The following CORO7 variants were observed in gnomAD, a reference collection of about 807,000 sequenced individuals.
The protein encoded by CORO7 is coronin 7.
Under a neutral mutation model 126.6 loss-of-function variants are expected in CORO7, and 107 were observed. That is an observed-to-expected ratio of 0.85 (90% CI 0.72 to 0.99). The LOEUF is 0.99. Ranked by LOEUF, CORO7 falls within the 50% of genes least tolerant of loss-of-function variation. The pLI is 0.00. For synonymous variants in CORO7, 603 were observed against 536.8 expected, an observed-to-expected ratio of 1.12 and a Z score of -1.70; for missense variants, 1,314 against 1,255.8, an observed-to-expected ratio of 1.05 and a Z score of -0.70.
Position 4,405,509 on chromosome 16 carries a change from C to T in CORO7, c.546G>A (p.Leu182=), listed in dbSNP as rs1289844674. 6.2e-7 allele frequency: 1 copy of T among 1,612,848 alleles called. No individual in the cohort carries two copies. The highest frequency in any genetic ancestry group is 8.5e-7 in the Non-Finnish European group (1 of 1,179,926). The change falls in exon 6 of 28, where the codon CTG becomes CTA. Residue 182 remains leucine (L), a synonymous_variant. Coordinates refer to ENST00000251166, the MANE Select transcript of CORO7 (RefSeq NM_024535.5). Reference sequence around the variant, plus strand: ...TGCTCACCTTGCACGCCGTGCCCACCAGGGCTCCATCTCGGCTCCAGACGG... The same window carrying T: ...TGCTCACCTTGCACGCCGTGCCCACTAGGGCTCCATCTCGGCTCCAGACGG... ...QSAVWSRDGA[L]VGTACKDKQL...
At chr16:4,369,297 G>C (rs1014621711) in intron 9 of CORO7, among the ~76,000 whole-genome samples, 1 of 152,290 alleles carries the variant, frequency 6.6e-6, no homozygotes, top group African/African-American at 2.4e-5. Flanking sequence ...GTGTTGGCAT[G>C]GGCCTGACCC....
chr16:4,407,820 GC>G, intron 4 of CORO7, 136 bp from the exon 5 acceptor site: 1 of 1,118,070 alleles, frequency 8.9e-7, no homozygotes, highest in Non-Finnish European at 1.2e-6. Flanking sequence ...TGGGAGGAGC[GC>G]CCACCCGCCT....
chr16:4,403,929 G>A (rs1424231435), intron 6 of CORO7, among the ~76,000 whole-genome samples: 1 of 152,106 alleles, frequency 6.6e-6, no homozygotes, highest in Non-Finnish European at 1.5e-5. Flanking sequence ...AGCTCACTCT[G>A]CCTGGGAAGC....
At chr16:4,401,885 CG>C (rs1847012521) in intron 6 of CORO7, among the ~76,000 whole-genome samples, 1 of 151,824 alleles carries the variant, frequency 6.6e-6, no homozygotes, top group Admixed American at 6.6e-5. Flanking sequence ...GGCAAGCCCC[CG>C]AGCCCCCTAT....
chr16:4,400,217 G>T (rs2055749704), intron 6 of CORO7, among the ~76,000 whole-genome samples: 1 of 152,158 alleles, frequency 6.6e-6, no homozygotes, highest in African/African-American at 2.4e-5. Context: ...TAATGTATCA[G>T]GCTGGGTATG....
intron 9 of CORO7, among the ~76,000 whole-genome samples, chr16:4,366,921 C>T (rs79016057): frequency 0.043 from 6,546 of 152,268 alleles, 172 homozygotes; most frequent in Admixed American, 0.094. Context: ...GACCCCGTCC[C>T]CACTGTGTTG....
At chr16:4,377,769 C>T (rs1156519424) in intron 9 of CORO7, among the ~76,000 whole-genome samples, 1 of 152,206 alleles carries the variant, frequency 6.6e-6, no homozygotes, top group Non-Finnish European at 1.5e-5. Flanking sequence ...CTGCCTCCTC[C>T]CTCCTCCCTT....
intron 9 of CORO7, chr16:4,382,678 C>T (rs1230017183): frequency 3.9e-6 from 6 of 1,546,536 alleles, no homozygotes; most frequent in Admixed American, 2.0e-5. Flanking sequence ...CTGTGTGCGG[C>T]GGGGGCGGGC....
chr16:4,374,793 A>G (rs953636350), intron 9 of CORO7, among the ~76,000 whole-genome samples: 4 of 152,080 alleles, frequency 2.6e-5, no homozygotes, highest in Non-Finnish European at 5.9e-5. Context: ...GAGAAGGGCA[A>G]GACCCCTTCC....
At chr16:4,395,638 C>T (rs1281519846) in intron 6 of CORO7, among the ~76,000 whole-genome samples, 1 of 152,314 alleles carries the variant, frequency 6.6e-6, no homozygotes, top group East Asian at 1.9e-4. Flanking sequence ...ACACTCGACC[C>T]CTCCTACTCT....
intron 6 of CORO7, among the ~76,000 whole-genome samples, chr16:4,401,287 G>A (rs2055796074): frequency 6.6e-6 from 1 of 152,342 alleles, no homozygotes; most frequent in African/African-American, 2.4e-5. Flanking sequence ...GAGAGGCCAC[G>A]TGAGGAGGCA....
chr16:4,395,940 C>T (rs1201541598), intron 6 of CORO7, among the ~76,000 whole-genome samples: 3 of 151,998 alleles, frequency 2.0e-5, no homozygotes, highest in African/African-American at 4.8e-5. Context: ...AAATAAAGCA[C>T]TCATGCTTTG....
In CORO7 at chr16:4,358,414, G is replaced by C; in HGVS notation, c.2410C>G (p.Arg804Gly). 2 of 1,612,380 alleles carry C rather than the reference G, an allele frequency of 1.2e-6. No homozygotes were observed. Residue 804 changes from arginine (R) to glycine (G), a missense_variant, in exon 24 of 28, where the codon CGT becomes GGT. Coordinates refer to ENST00000251166, the MANE Select transcript of CORO7 (RefSeq NM_024535.5). The part of the protein sequence containing the change: ...EVELMRCLRL[R>G]QSSLEPVAFR... ...GCCACAGGCTCCAGGGAGGACTGACGCAGCCGCAGGCACCGCATCAGCTCC... is the reference window on the plus strand; with the variant it reads ...GCCACAGGCTCCAGGGAGGACTGACCCAGCCGCAGGCACCGCATCAGCTCC...
chr16:4,409,663 A>G (rs982348330), intron 3 of CORO7, among the ~76,000 whole-genome samples: 1 of 152,222 alleles, frequency 6.6e-6, no homozygotes, highest in African/African-American at 2.4e-5. Flanking sequence ...GCTGCTCAGC[A>G]TGACATGCTG....
chr16:4,409,963 T>C (rs2056141853), intron 3 of CORO7, among the ~76,000 whole-genome samples: 1 of 152,162 alleles, frequency 6.6e-6, no homozygotes, highest in Non-Finnish European at 1.5e-5. Context: ...CCGGCAGGGC[T>C]GCTCATGCAG....
At chr16:4,375,753 A>G (rs1250160044) in intron 9 of CORO7, among the ~76,000 whole-genome samples, 4 of 152,132 alleles carry the variant, frequency 2.6e-5, no homozygotes, top group Admixed American at 1.3e-4. Context: ...CTCCCAAAGT[A>G]CTGGGATTAC....
intron 6 of CORO7, among the ~76,000 whole-genome samples, chr16:4,398,847 G>A (rs1338900988): frequency 6.6e-6 from 1 of 151,204 alleles, no homozygotes; most frequent in Non-Finnish European, 1.5e-5. Context: ...GTGAGACTGT[G>A]TTCCCAGCTA....
chr16:4,415,055 G>A (rs937585267), intron 1 of CORO7, among the ~76,000 whole-genome samples: 3 of 151,896 alleles, frequency 2.0e-5, no homozygotes, highest in Non-Finnish European at 4.4e-5. Context: ...TTGTTGTTCA[G>A]AGGGGTTTCG....
intron 1 of CORO7, among the ~76,000 whole-genome samples, chr16:4,414,764 C>T (rs1054173909): frequency 2.0e-5 from 3 of 152,220 alleles, no homozygotes; most frequent in Non-Finnish European, 4.4e-5. Context: ...TAGGGCCCCT[C>T]AAGTATTCTC....
Sources: gnomAD v4.1 joint callset for allele counts (sites outside exome capture counted in the v4.1 genomes callset) on GRCh38, gnomAD v4.1.1 for gene constraint, MANE v1.5 for transcripts, NCBI Gene and HGNC (gene_info 2026-07-23, HGNC 2026-07-21) for gene names.